Variants in CDK14 observed in about 807,000 individuals in gnomAD.
CDK14 encodes the protein cyclin dependent kinase 14, also known as cyclin-dependent kinase 14.
In CDK14, 34 loss-of-function variants were observed where a neutral mutation model predicts 60.7. That is an observed-to-expected ratio of 0.56 (90% CI 0.43 to 0.75). CDK14 has a LOEUF of 0.75. Among genes scored for constraint, CDK14 ranks in the 30% least tolerant of loss-of-function variants. CDK14 has a pLI of 0.00. For synonymous variants in CDK14, 197 were observed against 203.7 expected, an observed-to-expected ratio of 0.97 and a Z score of 0.28; for missense variants, 482 against 564.1, an observed-to-expected ratio of 0.85 and a Z score of 1.47.
At chr7:91,114,755 A>G (rs897134062) in intron 13 of CDK14, among the ~76,000 whole-genome samples, 3 of 152,184 alleles carry the variant, frequency 2.0e-5, no homozygotes, top group African/African-American at 7.2e-5. Context: ...GATAATCATT[A>G]TGAGGCATAA....
intron 3 of CDK14, among the ~76,000 whole-genome samples, chr7:90,732,861 T>G (rs1428301217): frequency 1.3e-5 from 2 of 152,172 alleles, no homozygotes; most frequent in Non-Finnish European, 2.9e-5. Context: ...CTCATCTTAG[T>G]TATTTCTTGT....
chr7:91,087,549 G>A (rs1388533528), intron 12 of CDK14, among the ~76,000 whole-genome samples: 1 of 152,090 alleles, frequency 6.6e-6, no homozygotes, highest in Non-Finnish European at 1.5e-5. Context: ...CTCTTGGCAG[G>A]ATTATTGTTT....
intron 10 of CDK14, among the ~76,000 whole-genome samples, chr7:91,020,074 G>T (rs1281949952): frequency 6.6e-6 from 1 of 152,076 alleles, no homozygotes; most frequent in Non-Finnish European, 1.5e-5. Context: ...GCTCTTCTCT[G>T]GTCATGGTAG....
intron 3 of CDK14, among the ~76,000 whole-genome samples, chr7:90,747,441 A>G (rs549867897): frequency 2.4e-4 from 37 of 152,348 alleles, no homozygotes; most frequent in African/African-American, 8.9e-4. Context: ...CTATCAAAAT[A>G]TTAACAGTGG....
At chr7:90,601,846 A>G (rs982940947) in intron 1 of CDK14, among the ~76,000 whole-genome samples, 1 of 151,066 alleles carries the variant, frequency 6.6e-6, no homozygotes, top group African/African-American at 2.5e-5. Flanking sequence ...TCTGCCTCCC[A>G]GGCTCAAGTG....
intron 14 of CDK14, among the ~76,000 whole-genome samples, chr7:91,176,485 C>A (rs1166099460): frequency 3.3e-5 from 5 of 151,476 alleles, no homozygotes; most frequent in East Asian, 3.9e-4. Context: ...AAATAGAGAC[C>A]AAAAAAACCC....
At chr7:90,781,658 A>T (rs979586454) in intron 4 of CDK14, among the ~76,000 whole-genome samples, 6 of 151,334 alleles carry the variant, frequency 4.0e-5, no homozygotes, top group African/African-American at 1.5e-4. Context: ...TCCCAGCACC[A>T]TGTATTAAAT....
intron 8 of CDK14, among the ~76,000 whole-genome samples, chr7:90,952,105 A>G (rs762068964): frequency 9.9e-5 from 15 of 152,184 alleles, no homozygotes; most frequent in Non-Finnish European, 2.2e-4. Context: ...TAACTATCCT[A>G]TATCTGAGAA....
rs559438845 is a variant in CDK14 at position 91,087,498 on chromosome 7, T to C, written c.1154+8018T>C. On this transcript the variant is annotated intron_variant, in intron 12 of 14. Coordinates refer to ENST00000380050, the MANE Select transcript of CDK14 (RefSeq NM_001287135.2). ...CTGAGCTGTGTAATATTCAGGAAGC[T>C]CATTAACCTCTCTGAGCCTCAGCTT... is the stretch of plus-strand genomic sequence containing the variant. Among the ~76,000 whole-genome samples, 4 of 152,314 alleles carry C rather than the reference T, an allele frequency of 2.6e-5. No homozygotes were observed. The South Asian group carries it at 8.3e-4, about 32-fold the overall frequency.
intron 2 of CDK14, chr7:90,716,264 A>G (rs930239825): frequency 6.6e-6 from 1 of 152,012 alleles, no homozygotes; most frequent in Non-Finnish European, 1.5e-5. Flanking sequence ...CCTCACACCC[A>G]CACCAAAGGA....
intron 14 of CDK14, among the ~76,000 whole-genome samples, chr7:91,174,984 C>G (rs1265820207): frequency 6.9e-6 from 1 of 145,766 alleles, no homozygotes; most frequent in Admixed American, 6.8e-5. Flanking sequence ...TTGAGAAGAG[C>G]AACTCCAAGA....
At chr7:90,808,320 T>G (rs1036953090) in intron 5 of CDK14, among the ~76,000 whole-genome samples, 1 of 152,124 alleles carries the variant, frequency 6.6e-6, no homozygotes, top group Non-Finnish European at 1.5e-5. Context: ...TCAACATTCT[T>G]AAAGAAAAGA....
At position 90,863,501 on chromosome 7, in the gene CDK14, A is replaced by T. The variant is rs148591714; in HGVS notation, c.639+232A>T. Among the ~76,000 whole-genome samples the T allele has an allele frequency of 5.0e-3, 766 of 152,274 alleles. 6 individuals carry two copies. Among genetic ancestry groups the T allele is most frequent in the African/African-American group, 0.017 (723 of 41,566 alleles). ...AACTTGAATTTTTATCAGATATGTT[A>T]TCTATTTATAACCTATTTGTTACTA... On this transcript the variant is annotated intron_variant, in intron 6 of 14. Coordinates refer to ENST00000380050, the MANE Select transcript of CDK14 (RefSeq NM_001287135.2).
At chr7:90,865,368 A>G (rs576058581) in intron 6 of CDK14, among the ~76,000 whole-genome samples, 2 of 152,226 alleles carry the variant, frequency 1.3e-5, no homozygotes, top group South Asian at 4.1e-4. Context: ...AATATTACCT[A>G]AAGTTTTTAT....
At chr7:90,932,948 C>T (rs895314753) in intron 8 of CDK14, among the ~76,000 whole-genome samples, 9 of 152,222 alleles carry the variant, frequency 5.9e-5, no homozygotes, top group African/African-American at 2.2e-4. Context: ...GCAAGGGAGT[C>T]ATGGGAACCA....
At chr7:90,882,986 A>G (rs1791812770) in intron 6 of CDK14, among the ~76,000 whole-genome samples, 1 of 152,184 alleles carries the variant, frequency 6.6e-6, no homozygotes, top group Non-Finnish European at 1.5e-5. Context: ...CGCATCAGAA[A>G]GCTAGAAAAA....
In CDK14 at chr7:90,863,286, T is replaced by C; in HGVS notation, c.639+17T>C. 7.0e-7 allele frequency: 1 copy of C among 1,430,594 alleles called. No homozygotes were observed. The highest frequency in any genetic ancestry group is 9.7e-7 in the Non-Finnish European group (1 of 1,026,398). The allele number at this position is 1,430,594 out of a possible 1,614,324, so 88.6% of individuals were successfully genotyped here. A position where few individuals can be genotyped will look rare whatever the true frequency, so the allele number is the denominator to read the frequency against. On this transcript the variant is annotated intron_variant, in intron 6 of 14. Transcript: ENST00000380050. ...GAATATGTGGTAAGTAAAATAAGAC[T>C]TTTAAATTTAGACATTTAAAATATG...
At chr7:90,672,213 A>G (rs1801109785) in intron 2 of CDK14, among the ~76,000 whole-genome samples, 1 of 152,172 alleles carries the variant, frequency 6.6e-6, no homozygotes, top group Non-Finnish European at 1.5e-5. Context: ...TTAAGTATAC[A>G]ATTCAGTAGT....
chr7:90,708,789 A>G (rs902564238), intron 2 of CDK14, among the ~76,000 whole-genome samples: 6 of 152,310 alleles, frequency 3.9e-5, no homozygotes, highest in African/African-American at 9.6e-5. Context: ...GAATATTTAC[A>G]AGGTTAGATT....
Sources: gnomAD v4.1 joint callset for allele counts (sites outside exome capture counted in the v4.1 genomes callset) on GRCh38, gnomAD v4.1.1 for gene constraint, MANE v1.5 for transcripts, NCBI Gene and HGNC (gene_info 2026-07-23, HGNC 2026-07-21) for gene names.